CFAP47: variants seen among roughly 807,000 people sequenced by gnomAD.
The protein encoded by CFAP47 is cilia and flagella associated protein 47, also known as cilia- and flagella-associated protein 47.
Under a neutral mutation model 148.1 loss-of-function variants are expected in CFAP47, and 29 were observed. The ratio of observed to expected loss-of-function variants is 0.20; its 90% CI spans 0.15 to 0.27. CFAP47 has a LOEUF of 0.27. Ranked by LOEUF, CFAP47 falls within the 10% of genes least tolerant of loss-of-function variation. The pLI, the probability that CFAP47 is intolerant of heterozygous loss-of-function variation, is 1.00. For missense variants in CFAP47, 1,872 were observed against 1,697.5 expected (o/e 1.10, Z -1.81); for synonymous variants, 664 against 577.3 (o/e 1.15, Z -2.15).
intron 6 of CFAP47, 46 bp downstream of exon 6, chrX:35,952,009 G>A: frequency 9.1e-7 from 1 of 1,104,926 alleles, no homozygotes. Flanking sequence ...TTAATGGAAA[G>A]TATATTAACC....
intron 48 of CFAP47, among the ~76,000 whole-genome samples, chrX:36,242,180 CA>C (rs1555996143): frequency 8.9e-6 from 1 of 112,052 alleles, no homozygotes; most frequent in Non-Finnish European, 1.9e-5. Context: ...TGACTATACC[CA>C]AATTACACCA....
At chrX:36,186,598 C>T (rs1939809752) in intron 40 of CFAP47, among the ~76,000 whole-genome samples, 1 of 111,669 alleles carries the variant, frequency 9.0e-6, no homozygotes, top group Non-Finnish European at 1.9e-5. Context: ...GAATTAACTT[C>T]ATGAAGGCTT....
At chrX:36,347,256 A>T (rs1556016716) in intron 57 of CFAP47, among the ~76,000 whole-genome samples, 1 of 112,021 alleles carries the variant, frequency 8.9e-6, no homozygotes. Context: ...ACCAGTTAGA[A>T]TGGCAATCAT....
chrX:36,319,545 A>G (rs1941462020), intron 57 of CFAP47, among the ~76,000 whole-genome samples: 1 of 110,153 alleles, frequency 9.1e-6, no homozygotes, highest in Non-Finnish European at 1.9e-5. Flanking sequence ...TTTGCCAAGT[A>G]TTTTAACTTT....
intron 19 of CFAP47, 147 bp from the exon 20 acceptor site, chrX:36,000,136 G>A (rs888575012): frequency 4.1e-6 from 1 of 241,288 alleles, no homozygotes; most frequent in Non-Finnish European, 7.4e-6. Flanking sequence ...TAGAGGAGGT[G>A]GGGGAGAGGA....
chrX:35,938,045 A>C (rs1601886812), intron 2 of CFAP47, among the ~76,000 whole-genome samples: 1 of 111,765 alleles, frequency 8.9e-6, no homozygotes, highest in African/African-American at 3.2e-5. Flanking sequence ...TTTCATCATT[A>C]GTTTGAACAC....
chrX:36,136,743 C>T (rs1285339561), intron 33 of CFAP47, among the ~76,000 whole-genome samples: 1 of 111,167 alleles, frequency 9.0e-6, no homozygotes, highest in East Asian at 2.8e-4. Context: ...AATTATACAT[C>T]AAAGCTGGAC....
chrX:36,383,368 C>T (rs191547280), intron 63 of CFAP47, among the ~76,000 whole-genome samples: 85 of 111,736 alleles, frequency 7.6e-4, no homozygotes, highest in Middle Eastern at 9.3e-3. Context: ...TAAATGCTGG[C>T]CGTGGGCACA....
chrX:36,049,295 T>A (rs916955759), intron 26 of CFAP47, among the ~76,000 whole-genome samples: 1 of 110,453 alleles, frequency 9.1e-6, no homozygotes, highest in Non-Finnish European at 1.9e-5. Context: ...ATGTAAACCA[T>A]ATTTTGGTTT....
chrX:35,947,823 G>A (rs1436090769), intron 3 of CFAP47, among the ~76,000 whole-genome samples: 1 of 111,431 alleles, frequency 9.0e-6, no homozygotes, highest in Non-Finnish European at 1.9e-5. Flanking sequence ...GATTATTTAC[G>A]GAAATTAAAT....
At chrX:35,963,051 T>TTA (rs1400019611) in intron 8 of CFAP47, among the ~76,000 whole-genome samples, 2 of 108,837 alleles carry the variant, frequency 1.8e-5, no homozygotes, top group East Asian at 5.8e-4. Context: ...TTGGAGGATG[T>TTA]TATGCTAAGT....
chrX:36,134,395 A>T (rs762555218), intron 33 of CFAP47, among the ~76,000 whole-genome samples: 1 of 111,606 alleles, frequency 9.0e-6, no homozygotes, highest in African/African-American at 3.2e-5. Context: ...AACTACGATA[A>T]TTAAGACTGG....
intron 56 of CFAP47, among the ~76,000 whole-genome samples, chrX:36,317,190 A>G (rs1556011145): frequency 1.8e-5 from 2 of 111,496 alleles, no homozygotes; most frequent in Non-Finnish European, 3.8e-5. Context: ...TTTATGTAAT[A>G]TATGTAGTAA....
chrX:36,323,955 G>C (rs1248800851), intron 57 of CFAP47, among the ~76,000 whole-genome samples: 1 of 111,333 alleles, frequency 9.0e-6, no homozygotes, highest in Non-Finnish European at 1.9e-5. Flanking sequence ...TATAGATAGT[G>C]AAGTACTTCA....
chrX:36,311,810 A>G (rs1221892326), intron 56 of CFAP47, among the ~76,000 whole-genome samples: 2 of 111,283 alleles, frequency 1.8e-5, no homozygotes, highest in Non-Finnish European at 3.8e-5. Flanking sequence ...GATTGAAAGA[A>G]CATTATATTG....
intron 21 of CFAP47, among the ~76,000 whole-genome samples, chrX:36,014,132 A>G (rs1937070975): frequency 8.9e-6 from 1 of 112,165 alleles, no homozygotes; most frequent in Non-Finnish European, 1.9e-5. Context: ...GTGAAGTGAT[A>G]TCTCATATGG....
intron 15 of CFAP47, 119 bp downstream of exon 15, chrX:35,976,032 C>A: frequency 4.4e-6 from 3 of 678,760 alleles, no homozygotes; most frequent in Non-Finnish European, 6.7e-6. Context: ...AGAAGTAAAT[C>A]AGATACTGTC....
chrX:36,137,472 A>G (rs1055197923), intron 33 of CFAP47, among the ~76,000 whole-genome samples: 1 of 110,658 alleles, frequency 9.0e-6, no homozygotes, highest in Admixed American at 9.7e-5. Context: ...TTATAGGTCA[A>G]TTTTGGTTTC....
chrX:36,286,927 A>G (rs1941139514), intron 51 of CFAP47, among the ~76,000 whole-genome samples: 1 of 111,505 alleles, frequency 9.0e-6, no homozygotes, highest in Admixed American at 9.6e-5. Flanking sequence ...TGGTGTATAA[A>G]GTGCCTTTTT....
Sources: gnomAD v4.1 joint callset for allele counts (sites outside exome capture counted in the v4.1 genomes callset) on GRCh38, gnomAD v4.1.1 for gene constraint, MANE v1.5 for transcripts, NCBI Gene and HGNC (gene_info 2026-07-23, HGNC 2026-07-21) for gene names.